USP50: variants seen among roughly 807,000 people sequenced by gnomAD.
USP50 encodes the protein ubiquitin specific peptidase 50, also known as ubiquitin carboxyl-terminal hydrolase 50.
In USP50, 37 loss-of-function variants were observed where a neutral mutation model predicts 39.2. The observed-to-expected ratio is 0.94, with a 90% CI of 0.73 to 1.24. USP50 has a LOEUF of 1.24. USP50 is among the 50% of genes most tolerant of loss of function. The pLI is 0.00. For missense variants in USP50, 374 were observed against 398.2 expected (o/e 0.94, Z 0.52); for synonymous variants, 139 against 144.5 (o/e 0.96, Z 0.27).
In USP50 at chr15:50,537,883, G is replaced by GGGGAA. The variant is rs1213470610; in HGVS notation, c.803+825_803+826insTTCCC. ...AAAAGAGGGGAGGGGAGGGAGGGGAGGGGAGGGGAGGGGAGGGAAGGGGAG... is the reference window on the plus strand; with the variant it reads ...AAAAGAGGGGAGGGGAGGGAGGGGAGGGGAAGGGAGGGGAGGGGAGGGAAGGGGAG... On this transcript the variant is annotated intron_variant, in intron 5 of 6. Transcript: ENST00000532404. 8.7e-3 allele frequency among the ~76,000 whole-genome samples: 486 copies of GGGGAA among 55,980 alleles called. 37 individuals carry two copies. The highest frequency in any genetic ancestry group is 0.027 in the East Asian group (31 of 1,144). 36.7% of individuals were successfully genotyped at this position (55,980 alleles called of 152,430 possible). A position where few individuals can be genotyped will look rare whatever the true frequency, so the allele number is the denominator to read the frequency against.
chr15:50,544,231 G>A (rs1313439834), intron 2 of USP50, among the ~76,000 whole-genome samples: 2 of 151,804 alleles, frequency 1.3e-5, no homozygotes, highest in East Asian at 1.9e-4. Flanking sequence ...GCATGGTGGC[G>A]CGTGCCTGTA....
rs929150352 is a variant in USP50, at chr15:50,535,028, C to T, written c.803+3681G>A. 4.6e-5 allele frequency among the ~76,000 whole-genome samples: 7 copies of T among 151,996 alleles called. 1 individual carries two copies. Among genetic ancestry groups the T allele is most frequent in the Non-Finnish European group, 5.9e-5 (4 of 68,006 alleles). On this transcript the variant is annotated intron_variant, in intron 5 of 6. Coordinates refer to ENST00000532404, the MANE Select transcript of USP50 (RefSeq NM_203494.5). ...TGGTGGCACGCACCTGTAATCCCAG[C>T]TACTGGAGGCTGAGACACAAGAATT...
intron 6 of USP50, among the ~76,000 whole-genome samples, chr15:50,515,343 G>A (rs537112584): frequency 1.6e-4 from 24 of 152,142 alleles, no homozygotes; most frequent in Non-Finnish European, 2.6e-4. Flanking sequence ...CCGGGTTCAC[G>A]CCATTCTCCT....
chr15:50,493,828 G>A (rs767635149), downstream of USP50: 1 of 652,622 alleles, frequency 1.5e-6, no homozygotes, highest in Non-Finnish European at 2.8e-6. Flanking sequence ...TCGCTGTCAT[G>A]AACTGGAGCC....
intron 6 of USP50, among the ~76,000 whole-genome samples, chr15:50,525,669 TG>T (rs1323058532): frequency 5.4e-4 from 76 of 141,212 alleles, no homozygotes; most frequent in Middle Eastern, 3.6e-3. Flanking sequence ...TATATGTATA[TG>T]TATATATGTA....
intron 6 of USP50, chr15:50,505,541 TGAAG>T (rs1382663293): frequency 5.3e-5 from 8 of 152,146 alleles, no homozygotes; most frequent in African/African-American, 1.7e-4. Flanking sequence ...AAAAACTCAA[TGAAG>T]GAAGAAGTGA....
At chr15:50,522,129 T>C (rs925097956) in intron 6 of USP50, among the ~76,000 whole-genome samples, 9 of 151,432 alleles carry the variant, frequency 5.9e-5, no homozygotes, top group South Asian at 2.1e-4. Context: ...TATGGAGAAA[T>C]AGGAAATCTG....
At chr15:50,534,532 C>T (rs77215705) in intron 5 of USP50, among the ~76,000 whole-genome samples, 2,200 of 152,158 alleles carry the variant, frequency 0.014, 57 homozygotes, top group African/African-American at 0.05. Flanking sequence ...CTTTGAATGT[C>T]GATGGTCTAT....
intron 4 of USP50, 114 bp downstream of exon 4, chr15:50,540,934 TA>T: frequency 1.2e-6 from 1 of 807,214 alleles, no homozygotes. Flanking sequence ...TATTTTTTTT[TA>T]AATTAAAGTT....
At chr15:50,497,085 C>A, downstream of USP50, 1 of 1,581,538 alleles carries the variant, frequency 6.3e-7, no homozygotes, top group Non-Finnish European at 8.6e-7. Context: ...TTTTTTTCTG[C>A]CAGGATTGCC....
At chr15:50,499,929 A>C (rs2052550145), downstream of USP50, 1 of 152,158 alleles carries the variant, frequency 6.6e-6, no homozygotes, top group Non-Finnish European at 1.5e-5. Flanking sequence ...ATTCATTCTA[A>C]ATATTAAAGT....
intron 6 of USP50, chr15:50,506,584 A>G (rs2052661366): frequency 6.6e-6 from 1 of 152,198 alleles, no homozygotes; most frequent in Non-Finnish European, 1.5e-5. Flanking sequence ...ACAAAAGAAG[A>G]TGACGACAAG....
At chr15:50,539,361 C>G (rs1339629860) in intron 4 of USP50, among the ~76,000 whole-genome samples, 2 of 150,236 alleles carry the variant, frequency 1.3e-5, no homozygotes, top group South Asian at 2.1e-4. Flanking sequence ...CCACCACACC[C>G]AGCCTATACA....
At chr15:50,498,523 C>G (rs1226900088), downstream of USP50, 1 of 1,470,816 alleles carries the variant, frequency 6.8e-7, no homozygotes, top group East Asian at 2.4e-5. Context: ...GGCTAAAAAT[C>G]TAGATGTTAA....
At chr15:50,535,233 T>C (rs539196053) in intron 5 of USP50, among the ~76,000 whole-genome samples, 82 of 152,312 alleles carry the variant, frequency 5.4e-4, no homozygotes, top group African/African-American at 1.9e-3. Context: ...AACACACCTC[T>C]GTCAGAAATG....
intron 6 of USP50, among the ~76,000 whole-genome samples, chr15:50,525,841 T>A (rs1302172431): frequency 6.6e-6 from 1 of 151,514 alleles, no homozygotes; most frequent in Non-Finnish European, 1.5e-5. Flanking sequence ...TATTGATGGA[T>A]TAATATCATT....
chr15:50,515,819 T>C (rs919221994), intron 6 of USP50, among the ~76,000 whole-genome samples: 3 of 152,088 alleles, frequency 2.0e-5, no homozygotes, highest in Non-Finnish European at 2.9e-5. Flanking sequence ...AAATTTCACA[T>C]GTTAAGTGTG....
chr15:50,546,560 C>T lies in USP50; in HGVS notation c.-35G>A. ...ACCACGTTGGACTTTTGCTTCTATTCAGGAGCTACATCTATTCCTTTCAAC... is the reference window on the plus strand; with the variant it reads ...ACCACGTTGGACTTTTGCTTCTATTTAGGAGCTACATCTATTCCTTTCAAC... On this transcript the variant is annotated 5_prime_UTR_variant, in exon 1 of 7. Coordinates refer to ENST00000532404, the MANE Select transcript of USP50 (RefSeq NM_203494.5). The T allele has an allele frequency of 6.2e-7, 1 of 1,610,096 alleles. No individual in the cohort carries two copies. The highest frequency in any genetic ancestry group is 8.5e-7 in the Non-Finnish European group (1 of 1,176,564).
chr15:50,509,361 AG>A (rs2052708874), intron 6 of USP50: 1 of 151,364 alleles, frequency 6.6e-6, no homozygotes, highest in South Asian at 2.1e-4. Flanking sequence ...AGAGAATAAG[AG>A]ACAAGGCGGC....
Sources: gnomAD v4.1 joint callset for allele counts (sites outside exome capture counted in the v4.1 genomes callset) on GRCh38, gnomAD v4.1.1 for gene constraint, MANE v1.5 for transcripts, NCBI Gene and HGNC (gene_info 2026-07-23, HGNC 2026-07-21) for gene names.